ATL2: variants seen among roughly 807,000 people sequenced by gnomAD.
ATL2 encodes atlastin-2.
ATL2 carries 31 observed loss-of-function variants against 73.9 expected under a neutral mutation model. The observed-to-expected ratio is 0.42, with a 90% CI of 0.32 to 0.57. The LOEUF (loss-of-function observed/expected upper bound fraction) is 0.57, where lower values mean the gene tolerates loss of function less well. Among genes scored for constraint, ATL2 ranks in the 20% least tolerant of loss-of-function variants. The pLI, the probability that ATL2 is intolerant of heterozygous loss-of-function variation, is 0.14. For missense variants in ATL2, 738 were observed against 702.6 expected (o/e 1.05, Z -0.57); for synonymous variants, 291 against 237.5 (o/e 1.23, Z -2.07).
Position 38,298,169 on chromosome 2 carries a change from T to C in ATL2, c.1607A>G (p.Gln536Arg), listed in dbSNP as rs1467338581. The C allele has an allele frequency of 1.2e-6, 2 of 1,612,942 alleles. No homozygotes were observed. The highest frequency in any genetic ancestry group is 1.7e-6 in the Non-Finnish European group (2 of 1,179,394). Reference sequence around the variant, plus strand: ...CTGTTCCCATAGTGTTTCAGCAATCTGATCAATCACTGTTCCAATTTCTCT... The same window carrying C: ...CTGTTCCCATAGTGTTTCAGCAATCCGATCAATCACTGTTCCAATTTCTCT... ...EFREIGTVID[Q>R]IAETLWEQVL... is the part of the protein sequence containing the mutation. Residue 536 changes from glutamine to arginine, a missense_variant, in exon 12 of 13, where the codon CAG becomes CGG. By Grantham distance (43) the Gln-to-Arg change is conservative (BLOSUM62 1). Transcript: ENST00000378954.
At position 38,369,449 on chromosome 2, in the gene ATL2, AAAAT is replaced by A. The variant is rs1671537443; in HGVS notation, c.118+7690_118+7693del. ...CAGAGTAAGACTCTGTCTCAAAGAAAAAATAAATAAATTTTTTTAGTAGAGACGG... is the reference window on the plus strand; with the variant it reads ...CAGAGTAAGACTCTGTCTCAAAGAAAAAATAAATTTTTTTAGTAGAGACGG... On this transcript the variant is annotated intron_variant, in intron 1 of 12. Coordinates refer to ENST00000378954, the MANE Select transcript of ATL2 (RefSeq NM_001135673.4). Among the ~76,000 whole-genome samples, 5 of 152,054 alleles carry A rather than the reference AAAAT, an allele frequency of 3.3e-5. No homozygotes were observed. The South Asian group carries it at 1.0e-3, about 32-fold the overall frequency.
rs1185375276 is a variant in ATL2 at position 38,295,608 on chromosome 2, A to G, written c.*386T>C. 2 of 154,940 alleles carry G rather than the reference A, an allele frequency of 1.3e-5. No homozygotes were observed. The highest frequency in any genetic ancestry group is 4.8e-5 in the African/African-American group (2 of 41,646). The allele number at this position is 154,940 out of a possible 1,614,324, so 9.6% of individuals were successfully genotyped here. ...TCTGGTTCTTGAAACAGTGATTCAT[A>G]AATTCTCTAAAAATTAAAATTTCAA... On this transcript the variant is annotated 3_prime_UTR_variant, in exon 13 of 13. Coordinates refer to ENST00000378954, the MANE Select transcript of ATL2 (RefSeq NM_001135673.4).
At chr2:38,344,357 C>A (rs1335607572) in intron 1 of ATL2, among the ~76,000 whole-genome samples, 1 of 152,164 alleles carries the variant, frequency 6.6e-6, no homozygotes, top group African/African-American at 2.4e-5. Context: ...TGGGTGTAAT[C>A]CCAACACTTT....
chr2:38,326,150 C>A (rs1171065052), intron 2 of ATL2, among the ~76,000 whole-genome samples: 1 of 152,194 alleles, frequency 6.6e-6, no homozygotes, highest in Non-Finnish European at 1.5e-5. Context: ...TTTACCACCT[C>A]ATCAACAATG....
chr2:38,299,177 A>T, intron 11 of ATL2, 79 bp downstream of exon 11: 4 of 1,327,822 alleles, frequency 3.0e-6, no homozygotes, highest in Non-Finnish European at 3.9e-6. Flanking sequence ...TCAATTATTT[A>T]AAAAATTTTT....
chr2:38,296,260 T>C, intron 12 of ATL2, 147 bp from the exon 13 acceptor site: 1 of 1,434,726 alleles, frequency 7.0e-7, no homozygotes, highest in Non-Finnish European at 9.1e-7. Flanking sequence ...TCAAAAAAAC[T>C]TATGATGCTA....
chr2:38,367,622 C>CAAACAAAA (rs1558459719), intron 1 of ATL2, among the ~76,000 whole-genome samples: 2 of 114,878 alleles, frequency 1.7e-5, no homozygotes, highest in African/African-American at 3.2e-5. Flanking sequence ...AAAAACCGCC[C>CAAACAAAA]ATTTAAAACA....
At chr2:38,354,516 C>G (rs1670548823) in intron 1 of ATL2, among the ~76,000 whole-genome samples, 2 of 152,050 alleles carry the variant, frequency 1.3e-5, no homozygotes, top group Non-Finnish European at 2.9e-5. Flanking sequence ...TCTAAATAGG[C>G]AGATATATTA....
intron 1 of ATL2, among the ~76,000 whole-genome samples, chr2:38,352,003 T>C (rs1670375208): frequency 6.8e-6 from 1 of 147,402 alleles, no homozygotes; most frequent in Non-Finnish European, 1.5e-5. Context: ...TCTCAGCTAC[T>C]CGGGAGGCTG....
intron 12 of ATL2, 147 bp downstream of exon 12, chr2:38,297,997 C>G: frequency 2.7e-6 from 2 of 750,742 alleles, no homozygotes; most frequent in Non-Finnish European, 2.1e-6. Context: ...ATCTTCAATT[C>G]ATAAAGATTC....
chr2:38,376,039 C>A (rs998287232), intron 1 of ATL2: 3 of 1,373,164 alleles, frequency 2.2e-6, no homozygotes, highest in Non-Finnish European at 2.9e-6. Flanking sequence ...AACCTTTACA[C>A]ACCGTAAAAA....
chr2:38,300,987 T>TTTTTTTTTTA (rs1667159314), intron 9 of ATL2, among the ~76,000 whole-genome samples: 2 of 151,928 alleles, frequency 1.3e-5, no homozygotes, highest in African/African-American at 4.8e-5. Context: ...TTTTTTTTTT[T>TTTTTTTTTTA]GAGAAGGAAT....
chr2:38,361,860 G>A (rs1345609435), intron 1 of ATL2, among the ~76,000 whole-genome samples: 1 of 152,116 alleles, frequency 6.6e-6, no homozygotes, highest in African/African-American at 2.4e-5. Flanking sequence ...GAGGAAATGT[G>A]GATCTTCGAA....
chr2:38,377,053 C>G (rs1025361423), intron 1 of ATL2, 90 bp downstream of exon 1: 20 of 1,283,762 alleles, frequency 1.6e-5, no homozygotes, highest in African/African-American at 7.9e-5. Flanking sequence ...CGGACTCCGA[C>G]CCCGCCGCCT....
At chr2:38,327,524 TA>T (rs1350041032) in intron 2 of ATL2, among the ~76,000 whole-genome samples, 1,986 of 23,970 alleles carry the variant, frequency 0.083, 25 homozygotes, top group East Asian at 0.22. Flanking sequence ...GAGGGGAATA[TA>T]AAAAAAAAAA....
intron 2 of ATL2, among the ~76,000 whole-genome samples, chr2:38,319,928 C>T (rs562050773): frequency 1.3e-5 from 2 of 151,830 alleles, no homozygotes; most frequent in African/African-American, 2.4e-5. Flanking sequence ...GCCAACATGG[C>T]GAAACTCCAT....
rs1666861167 is a variant in ATL2 at position 38,295,826 on chromosome 2, C to CT, written c.*167dup. On this transcript the variant is annotated 3_prime_UTR_variant, in exon 13 of 13. Coordinates refer to ENST00000378954, the MANE Select transcript of ATL2 (RefSeq NM_001135673.4). ...TGTCTTAGGAGCCATTAAAAGAATG[C>CT]TTAAAACTAACAAACAATCTTCACA... The CT allele has an allele frequency of 1.7e-6, 1 of 576,124 alleles. No individual in the cohort carries two copies. Among genetic ancestry groups the CT allele is most frequent in the Non-Finnish European group, 3.0e-6 (1 of 336,186 alleles). 35.7% of individuals were successfully genotyped at this position (576,124 alleles called of 1,614,324 possible).
At chr2:38,340,683 C>G (rs1483073422) in intron 2 of ATL2, among the ~76,000 whole-genome samples, 1 of 152,202 alleles carries the variant, frequency 6.6e-6, no homozygotes. Flanking sequence ...ATAAATCCAA[C>G]TACCCCATTA....
At chr2:38,332,122 T>G (rs1441846166) in intron 2 of ATL2, among the ~76,000 whole-genome samples, 4 of 152,074 alleles carry the variant, frequency 2.6e-5, no homozygotes, top group South Asian at 2.1e-4. Context: ...GAAAATAGAT[T>G]AGCGGTTCCT....
Sources: allele counts gnomAD v4.1 joint callset (sites outside exome capture counted in the v4.1 genomes callset), GRCh38; gene constraint gnomAD v4.1.1; transcripts MANE v1.5; gene names NCBI Gene and HGNC (gene_info 2026-07-23, HGNC 2026-07-21).